The following DLG2 variants were observed in gnomAD, a reference collection of about 807,000 sequenced individuals.
DLG2 encodes the protein discs large MAGUK scaffold protein 2, also known as disks large homolog 2.
Under a neutral mutation model 132.5 loss-of-function variants are expected in DLG2, and 45 were observed. The ratio of observed to expected loss-of-function variants is 0.34; its 90% CI spans 0.27 to 0.44. The LOEUF is 0.44. Ranked by LOEUF, DLG2 falls within the 20% of genes least tolerant of loss-of-function variation. The pLI is 1.00. For missense variants in DLG2, 1,045 were observed against 1,196.9 expected (o/e 0.87, Z 1.87); for synonymous variants, 424 against 419.6 (o/e 1.01, Z -0.13).
chr11:84,818,962 G>C (rs1279934943), intron 6 of DLG2, among the ~76,000 whole-genome samples: 1 of 151,578 alleles, frequency 6.6e-6, no homozygotes, highest in Admixed American at 6.6e-5. Flanking sequence ...TCAGCCATCT[G>C]TTTCACAGGT....
intron 8 of DLG2, among the ~76,000 whole-genome samples, chr11:84,212,969 T>G (rs2096776982): frequency 6.6e-6 from 1 of 152,212 alleles, no homozygotes; most frequent in Admixed American, 6.5e-5. Flanking sequence ...TACTTTCACT[T>G]TTATGAGACG....
chr11:85,570,413 C>T (rs1021455092), intron 3 of DLG2, among the ~76,000 whole-genome samples: 8 of 152,110 alleles, frequency 5.3e-5, no homozygotes, highest in Non-Finnish European at 8.8e-5. Context: ...ACTTGGTTTA[C>T]AGTGTTGTTT....
chr11:83,911,286 T>C (rs115766934), intron 15 of DLG2, among the ~76,000 whole-genome samples: 2,775 of 152,228 alleles, frequency 0.018, 89 homozygotes, highest in African/African-American at 0.063. Flanking sequence ...AATGACAATC[T>C]AAGGCAAAGG....
chr11:84,120,347 T>A (rs547014789), intron 9 of DLG2, among the ~76,000 whole-genome samples: 1 of 152,226 alleles, frequency 6.6e-6, no homozygotes, highest in African/African-American at 2.4e-5. Flanking sequence ...CTATCTTGTC[T>A]ACCCCATTTA....
chr11:83,785,148 G>A (rs1049701317), intron 18 of DLG2, among the ~76,000 whole-genome samples: 3 of 151,822 alleles, frequency 2.0e-5, no homozygotes, highest in East Asian at 1.9e-4. Context: ...TCCACCTCCC[G>A]GGTTCATGCC....
rs142111896 is a variant in DLG2 at position 85,397,260 on chromosome 11, T to C, written c.41-111895A>G. Among the ~76,000 whole-genome samples the C allele has an allele frequency of 2.9e-3, 444 of 152,216 alleles. 1 individual carries two copies. Among genetic ancestry groups the C allele is most frequent in the African/African-American group, 0.01 (430 of 41,534 alleles). On this transcript the variant is annotated intron_variant, in intron 3 of 27. Coordinates refer to ENST00000376104, the MANE Select transcript of DLG2 (RefSeq NM_001142699.3). ...TTTTGTCACCACCAGGCATGCCTTA[T>C]AAGAGCTACTGAAGGAAGCACCAAA... is the stretch of plus-strand genomic sequence containing the variant.
At chr11:85,039,246 A>T (rs2061649600) in intron 6 of DLG2, among the ~76,000 whole-genome samples, 1 of 150,992 alleles carries the variant, frequency 6.6e-6, no homozygotes, top group Non-Finnish European at 1.5e-5. Flanking sequence ...CTTTAGAGAC[A>T]TTCAGTCTCT....
At chr11:84,551,191 T>G (rs2099401118) in intron 6 of DLG2, among the ~76,000 whole-genome samples, 1 of 152,212 alleles carries the variant, frequency 6.6e-6, no homozygotes, top group Non-Finnish European at 1.5e-5. Flanking sequence ...ATAAAAATAT[T>G]AATGTTTCCT....
At chr11:83,625,971 A>C (rs2062453680) in intron 19 of DLG2, among the ~76,000 whole-genome samples, 1 of 152,206 alleles carries the variant, frequency 6.6e-6, no homozygotes, top group Non-Finnish European at 1.5e-5. Context: ...TTTGTGTAGG[A>C]AAGATAGTCT....
intron 19 of DLG2, among the ~76,000 whole-genome samples, chr11:83,606,223 T>A (rs529179465): frequency 1.3e-5 from 2 of 152,342 alleles, no homozygotes; most frequent in Non-Finnish European, 2.9e-5. Context: ...CTACTATACA[T>A]ACTAGCATAT....
intron 6 of DLG2, among the ~76,000 whole-genome samples, chr11:84,557,444 A>G (rs954787917): frequency 6.6e-6 from 1 of 152,164 alleles, no homozygotes; most frequent in Admixed American, 6.5e-5. Flanking sequence ...ATATACACAT[A>G]CTGGTTCCAT....
intron 3 of DLG2, among the ~76,000 whole-genome samples, chr11:85,414,100 T>C (rs542473041): frequency 9.2e-5 from 14 of 152,182 alleles, no homozygotes; most frequent in Admixed American, 7.2e-4. Context: ...GTTTTCCTTG[T>C]AGAGGCCTTT....
In DLG2 at chr11:84,948,696, C is replaced by T. The variant is rs74333857; in HGVS notation, c.357+162965G>A. The stretch of plus-strand genomic sequence containing the variant: ...CTGGAAACAATTTCTTTTTTGGCCA[C>T]CAATATAAACCTAACCTGGATCTTG... On this transcript the variant is annotated intron_variant, in intron 6 of 27. Coordinates refer to ENST00000376104, the MANE Select transcript of DLG2 (RefSeq NM_001142699.3). Among the ~76,000 whole-genome samples the T allele has an allele frequency of 7.4e-3, 1,128 of 152,206 alleles. 17 individuals carry two copies. The highest frequency in any genetic ancestry group is 0.026 in the African/African-American group (1,077 of 41,530).
chr11:83,707,228 C>T (rs578082733), intron 18 of DLG2, among the ~76,000 whole-genome samples: 126 of 152,310 alleles, frequency 8.3e-4, no homozygotes, highest in South Asian at 2.5e-3. Context: ...ATCCAAACTT[C>T]TCCTATATAG....
intron 6 of DLG2, among the ~76,000 whole-genome samples, chr11:85,064,028 G>C (rs1384259597): frequency 6.6e-6 from 1 of 151,774 alleles, no homozygotes; most frequent in Non-Finnish European, 1.5e-5. Context: ...TACAAGGCAA[G>C]CAGTTATTAA....
intron 8 of DLG2, among the ~76,000 whole-genome samples, chr11:84,198,567 T>C (rs1246299182): frequency 1.3e-5 from 2 of 152,100 alleles, no homozygotes; most frequent in African/African-American, 4.8e-5. Flanking sequence ...AATACCAAAA[T>C]AAAATTTATA....
chr11:84,322,813 C>G (rs190415939), intron 7 of DLG2, among the ~76,000 whole-genome samples: 1 of 152,088 alleles, frequency 6.6e-6, no homozygotes, highest in Non-Finnish European at 1.5e-5. Context: ...TGGTCTCGAA[C>G]TCCTGATCTC....
chr11:83,887,375 T>C (rs1352016115), intron 15 of DLG2, among the ~76,000 whole-genome samples: 1 of 151,782 alleles, frequency 6.6e-6, no homozygotes, highest in South Asian at 2.1e-4. Context: ...CCTCGACACA[T>C]ACACCCTCCC....
chr11:83,820,201 G>A (rs188955877), intron 17 of DLG2, among the ~76,000 whole-genome samples: 4 of 151,766 alleles, frequency 2.6e-5, no homozygotes, highest in East Asian at 3.9e-4. Flanking sequence ...ATTGTCTTAC[G>A]GGAACAATAG....
Sources: gnomAD v4.1 joint callset for allele counts (sites outside exome capture counted in the v4.1 genomes callset) on GRCh38, gnomAD v4.1.1 for gene constraint, MANE v1.5 for transcripts, NCBI Gene and HGNC (gene_info 2026-07-23, HGNC 2026-07-21) for gene names.